The following IQGAP1 variants were observed in gnomAD, a reference collection of about 807,000 sequenced individuals.
IQGAP1 encodes the protein IQ motif containing GTPase activating protein 1, also known as ras GTPase-activating-like protein IQGAP1.
A neutral mutation model predicts 215.6 loss-of-function variants in IQGAP1; 66 were observed. The observed-to-expected ratio is 0.31, with a 90% CI of 0.25 to 0.38. The LOEUF (loss-of-function observed/expected upper bound fraction) is 0.38, where lower values mean the gene tolerates loss of function less well. Ranked by LOEUF, IQGAP1 falls within the 10% of genes least tolerant of loss-of-function variation. The pLI, the probability that IQGAP1 is intolerant of heterozygous loss-of-function variation, is 1.00. For synonymous variants in IQGAP1, 772 were observed against 728.7 expected (o/e 1.06, Z -0.96); for missense variants, 1,712 against 1,997.1 (o/e 0.86, Z 2.72).
At position 90,452,858 on chromosome 15, in the gene IQGAP1, G is replaced by GC; in HGVS notation, c.1249dup (p.Gln417ProfsTer26). ...TGTTTTGGAACTGATGAATCCCGAA[G>GC]CCCAGCTGCCCCAGGTGTATCCATT... is the stretch of plus-strand genomic sequence containing the variant. On this transcript the variant is annotated frameshift_variant, in exon 12 of 38. Transcript: ENST00000268182. LOFTEE classifies it high-confidence loss of function. 6.2e-7 allele frequency: 1 copy of GC among 1,614,092 alleles called. No individual in the cohort carries two copies. Among genetic ancestry groups the GC allele is most frequent in the South Asian group, 1.1e-5 (1 of 91,082 alleles).
intron 2 of IQGAP1, among the ~76,000 whole-genome samples, chr15:90,420,782 G>A (rs564690354): frequency 6.6e-6 from 1 of 152,316 alleles, no homozygotes; most frequent in South Asian, 2.1e-4. Context: ...GAATGCAGTG[G>A]TATGATCACT....
chr15:90,397,203 CATTATT>C (rs1001102123), intron 2 of IQGAP1, among the ~76,000 whole-genome samples: 16 of 152,176 alleles, frequency 1.1e-4, no homozygotes, highest in Admixed American at 7.2e-4. Flanking sequence ...AGTTAGTACC[CATTATT>C]ATTAAGAAAA....
intron 2 of IQGAP1, among the ~76,000 whole-genome samples, chr15:90,407,704 A>G (rs1964899680): frequency 6.6e-6 from 1 of 152,244 alleles, no homozygotes; most frequent in African/African-American, 2.4e-5. Context: ...ATGACTTGAT[A>G]CTATTCCATT....
intron 26 of IQGAP1, among the ~76,000 whole-genome samples, chr15:90,480,170 C>T (rs911068284): frequency 1.3e-4 from 20 of 149,870 alleles, no homozygotes; most frequent in Admixed American, 1.1e-3. Flanking sequence ...AGGAAGATCG[C>T]TTGAGCCCAG....
chr15:90,474,816 CTTT>C, intron 23 of IQGAP1, 123 bp downstream of exon 23: 1 of 531,330 alleles, frequency 1.9e-6, no homozygotes, highest in Non-Finnish European at 3.2e-6. Flanking sequence ...GCCATAAGAG[CTTT>C]TTTTTTTTCT....
chr15:90,428,356 C>T (rs2151014730), intron 3 of IQGAP1, among the ~76,000 whole-genome samples: 1 of 152,232 alleles, frequency 6.6e-6, no homozygotes, highest in South Asian at 2.1e-4. Context: ...GGATTACAGG[C>T]ATGAGCCACT....
chr15:90,473,818 G>A lies in IQGAP1; in HGVS notation c.2433+20G>A. 1 of 1,611,780 alleles carries A rather than the reference G, an allele frequency of 6.2e-7. No homozygotes were observed. Among genetic ancestry groups the A allele is most frequent in the Non-Finnish European group, 8.5e-7 (1 of 1,178,594 alleles). On this transcript the variant is annotated intron_variant, in intron 20 of 37. Coordinates refer to ENST00000268182, the MANE Select transcript of IQGAP1 (RefSeq NM_003870.4). ...GTAAAGGTATGGTAGCCTGAACAGGGTTTCTCCATGAGGGGCACAGGTATA... is the reference window on the plus strand; with the variant it reads ...GTAAAGGTATGGTAGCCTGAACAGGATTTCTCCATGAGGGGCACAGGTATA...
At chr15:90,490,733 C>A (rs758358180) in intron 33 of IQGAP1, among the ~76,000 whole-genome samples, 2 of 151,958 alleles carry the variant, frequency 1.3e-5, no homozygotes, top group Non-Finnish European at 2.9e-5. Flanking sequence ...CCAGTAGAGT[C>A]CAGTCTCGGT....
rs778449447 is a variant in IQGAP1, at chr15:90,443,360, A to G, written c.829-34A>G. ...TTATGTGGTCTTCTTAGACACCTTA[A>G]GCTAACTTAATTACGCTTTTTACTC... On this transcript the variant is annotated intron_variant, in intron 8 of 37. Coordinates refer to ENST00000268182, the MANE Select transcript of IQGAP1 (RefSeq NM_003870.4). The G allele has an allele frequency of 5.6e-6, 8 of 1,417,832 alleles. No homozygotes were observed. The South Asian group carries it at 9.2e-5, about 16-fold the overall frequency. 87.8% of individuals were successfully genotyped at this position (1,417,832 alleles called of 1,614,324 possible).
chr15:90,412,386 C>G (rs1596254222), intron 2 of IQGAP1, among the ~76,000 whole-genome samples: 1 of 152,276 alleles, frequency 6.6e-6, no homozygotes, highest in South Asian at 2.1e-4. Flanking sequence ...CTCTCTAGCC[C>G]TTTCTCCTAC....
At chr15:90,471,111 T>A (rs995385623) in intron 18 of IQGAP1, among the ~76,000 whole-genome samples, 1 of 152,030 alleles carries the variant, frequency 6.6e-6, no homozygotes, top group Non-Finnish European at 1.5e-5. Flanking sequence ...AGTCCAGAAG[T>A]CCAGCAGACA....
intron 2 of IQGAP1, among the ~76,000 whole-genome samples, chr15:90,401,117 A>T (rs981782005): frequency 3.3e-5 from 5 of 152,174 alleles, no homozygotes; most frequent in Non-Finnish European, 5.9e-5. Flanking sequence ...GTGAAGTGCC[A>T]GTGGAACCTG....
At chr15:90,463,428 A>T (rs559015729) in intron 15 of IQGAP1, among the ~76,000 whole-genome samples, 1 of 152,064 alleles carries the variant, frequency 6.6e-6, no homozygotes, top group Non-Finnish European at 1.5e-5. Context: ...TGATACGAGG[A>T]TTTTTCTGCT....
At chr15:90,438,730 C>CT (rs201641534) in intron 5 of IQGAP1, among the ~76,000 whole-genome samples, 19,509 of 146,402 alleles carry the variant, frequency 0.13, 1,408 homozygotes, top group South Asian at 0.21. Flanking sequence ...ATGTTAACAT[C>CT]TTTTTTTTTT....
chr15:90,497,165 C>T, intron 36 of IQGAP1, 67 bp from the exon 37 acceptor site: 5 of 828,928 alleles, frequency 6.0e-6, no homozygotes, highest in South Asian at 3.2e-5. Flanking sequence ...TCTCCTTTCC[C>T]CATTTCACAG....
chr15:90,442,718 C>T (rs530978518), intron 8 of IQGAP1, among the ~76,000 whole-genome samples: 2 of 151,980 alleles, frequency 1.3e-5, no homozygotes, highest in Non-Finnish European at 2.9e-5. Flanking sequence ...CCCCTAATCC[C>T]AGCACTTTGG....
chr15:90,429,958 C>T (rs1225743206), intron 4 of IQGAP1: 1 of 208,234 alleles, frequency 4.8e-6, no homozygotes, highest in Non-Finnish European at 9.5e-6. Flanking sequence ...AATTCACATG[C>T]TGTGAGATTC....
chr15:90,410,760 G>T (rs1182799788), intron 2 of IQGAP1, among the ~76,000 whole-genome samples: 2 of 151,304 alleles, frequency 1.3e-5, no homozygotes, highest in South Asian at 2.1e-4. Flanking sequence ...GAGTTAATGG[G>T]TGCAGCACAC....
At position 90,500,362 on chromosome 15, in the gene IQGAP1, A is replaced by T. The variant is rs1966326255; in HGVS notation, c.*254A>T. 2.7e-6 allele frequency: 1 copy of T among 375,866 alleles called. No homozygotes were observed. The highest frequency in any genetic ancestry group is 5.0e-6 in the Non-Finnish European group (1 of 201,374). 23.3% of individuals were successfully genotyped at this position (375,866 alleles called of 1,614,324 possible). ...CATTTTCTTCCATTACTTAGGAAAG[A>T]GTGGAAACTCCACTAAAATTTCTCT... On this transcript the variant is annotated 3_prime_UTR_variant, in exon 38 of 38. Coordinates refer to ENST00000268182, the MANE Select transcript of IQGAP1 (RefSeq NM_003870.4).
Sources: allele counts gnomAD v4.1 joint callset (sites outside exome capture counted in the v4.1 genomes callset), GRCh38; gene constraint gnomAD v4.1.1; transcripts MANE v1.5; gene names NCBI Gene and HGNC (gene_info 2026-07-23, HGNC 2026-07-21).